The following STARD6 variants were observed in gnomAD, a reference collection of about 807,000 sequenced individuals.
STARD6 encodes the protein StAR related lipid transfer domain containing 6, also known as stAR-related lipid transfer protein 6.
Under a neutral mutation model 22.3 loss-of-function variants are expected in STARD6, and 21 were observed. The observed-to-expected ratio is 0.94, with a 90% CI of 0.67 to 1.35. The LOEUF is 1.35. Among genes scored for constraint, STARD6 ranks in the 40% most tolerant of loss-of-function variants. The pLI is 0.00. For synonymous variants in STARD6, 80 were observed against 88.1 expected (o/e 0.91, Z 0.52); for missense variants, 269 against 266.9 (o/e 1.01, Z -0.05).
At chr18:54,351,122 G>A (rs569528030) in intron 4 of STARD6, among the ~76,000 whole-genome samples, 1 of 152,274 alleles carries the variant, frequency 6.6e-6, no homozygotes, top group African/African-American at 2.4e-5. Context: ...AGCATGGGAT[G>A]TGTTTCCATT....
intron 3 of STARD6, 137 bp from the exon 4 acceptor site, chr18:54,354,240 C>T: frequency 1.6e-6 from 1 of 630,946 alleles, no homozygotes; most frequent in Non-Finnish European, 2.7e-6. Context: ...TTTTCAGAGA[C>T]AGGGTCTCAC....
intron 4 of STARD6, among the ~76,000 whole-genome samples, chr18:54,352,918 A>G (rs1050860322): frequency 6.6e-6 from 1 of 152,214 alleles, no homozygotes; most frequent in African/African-American, 2.4e-5. Flanking sequence ...CAAAAAGCCA[A>G]ATTATCCAAA....
chr18:54,346,643 A>T (rs542750583), intron 4 of STARD6, among the ~76,000 whole-genome samples: 1 of 152,290 alleles, frequency 6.6e-6, no homozygotes, highest in African/African-American at 2.4e-5. Flanking sequence ...AATACCTAAA[A>T]GATAGAAACT....
At chr18:54,348,685 A>G (rs2089062172) in intron 4 of STARD6, among the ~76,000 whole-genome samples, 3 of 152,164 alleles carry the variant, frequency 2.0e-5, no homozygotes, top group African/African-American at 7.2e-5. Context: ...ATATAGTAGG[A>G]CATTACTGTT....
In STARD6 at chr18:54,329,390, C is replaced by T. The variant is rs749999988; in HGVS notation, c.436G>A (p.Gly146Ser). The change falls in exon 7 of 8, where the codon GGT becomes AGT. Residue 146 changes from glycine (G) to serine (S), a missense_variant. By Grantham distance (56) the Gly-to-Ser change is moderately conservative. Transcript: ENST00000307844. Reference sequence around the variant, plus strand: ...ACAAAGCCACAAGGATGGTTATAACCGCGGATATAATTTGAAGATGGAGGA... The same window carrying T: ...ACAAAGCCACAAGGATGGTTATAACTGCGGATATAATTTGAAGATGGAGGA... ...EYPPSSNYIR[G>S]YNHPCGFVCS... 2.5e-5 allele frequency: 40 copies of T among 1,603,720 alleles called. No homozygotes were observed. Among genetic ancestry groups the T allele is most frequent in the Non-Finnish European group, 2.1e-5 (25 of 1,175,870 alleles).
intron 7 of STARD6, among the ~76,000 whole-genome samples, chr18:54,328,703 C>A (rs1487743703): frequency 6.6e-6 from 1 of 151,768 alleles, no homozygotes; most frequent in African/African-American, 2.4e-5. Flanking sequence ...GTGCCAATAT[C>A]TTTTACTTAA....
intron 4 of STARD6, among the ~76,000 whole-genome samples, chr18:54,343,597 G>A (rs1428990118): frequency 3.1e-4 from 12 of 38,622 alleles, no homozygotes; most frequent in Non-Finnish European, 4.6e-4. Flanking sequence ...GGTGAGGGGC[G>A]CCTCTGCCCG....
intron 5 of STARD6, among the ~76,000 whole-genome samples, chr18:54,336,101 C>T (rs187461173): frequency 6.6e-6 from 1 of 152,266 alleles, no homozygotes; most frequent in East Asian, 1.9e-4. Context: ...GTAAACCATA[C>T]TTGCCTCTCA....
At chr18:54,327,024 T>C (rs1041807643) in intron 7 of STARD6, among the ~76,000 whole-genome samples, 1 of 152,214 alleles carries the variant, frequency 6.6e-6, no homozygotes, top group Non-Finnish European at 1.5e-5. Context: ...AACCTTCAGA[T>C]AGTTAATCTC....
chr18:54,330,398 G>T (rs530273586), intron 6 of STARD6, among the ~76,000 whole-genome samples: 33 of 152,092 alleles, frequency 2.2e-4, no homozygotes, highest in African/African-American at 7.5e-4. Flanking sequence ...CTACAAACAG[G>T]TATGGGTCTT....
intron 4 of STARD6, among the ~76,000 whole-genome samples, chr18:54,351,589 A>G (rs1787819): frequency 0.067 from 10,139 of 152,238 alleles, 388 homozygotes; most frequent in African/African-American, 0.086. Flanking sequence ...GGTTTGTTAT[A>G]GATGGCTTTT....
At chr18:54,328,322 T>C (rs1003359729) in intron 7 of STARD6, among the ~76,000 whole-genome samples, 30 of 152,346 alleles carry the variant, frequency 2.0e-4, no homozygotes, top group South Asian at 2.1e-4. Context: ...AGAAGGGGAC[T>C]TGGCCTGTGA....
At position 54,354,051 on chromosome 18, in the gene STARD6, C is replaced by G; in HGVS notation, c.140+3G>C. The G allele has an allele frequency of 6.4e-7, 1 of 1,556,902 alleles. No homozygotes were observed. Among genetic ancestry groups the G allele is most frequent in the Middle Eastern group, 1.7e-4 (1 of 5,930 alleles). ...GTAATTGTAAATAGAAGATTGTACT[C>G]ACAGATTTCCATGGAATTTTCTAGA... On this transcript the variant is annotated splice_donor_region_variant and intron_variant, in intron 4 of 7. Coordinates refer to ENST00000307844, the MANE Select transcript of STARD6 (RefSeq NM_139171.2).
intron 7 of STARD6, 121 bp downstream of exon 7, chr18:54,329,225 GT>G (rs779505953): frequency 6.9e-6 from 5 of 721,004 alleles, no homozygotes; most frequent in South Asian, 2.7e-5. Context: ...TTTAGGGGAA[GT>G]TTTTTTCCCG....
At chr18:54,356,032 A>T (rs1199899384) in intron 2 of STARD6, among the ~76,000 whole-genome samples, 1 of 152,228 alleles carries the variant, frequency 6.6e-6, no homozygotes, top group Non-Finnish European at 1.5e-5. Flanking sequence ...ATATGTAAAA[A>T]TGCTTTAAAC....
At chr18:54,343,932 C>T (rs1276054447) in intron 4 of STARD6, among the ~76,000 whole-genome samples, 1 of 44,364 alleles carries the variant, frequency 2.3e-5, no homozygotes, top group Non-Finnish European at 3.8e-5. Flanking sequence ...CCAGCCGCCC[C>T]GTCCGCGAGG....
intron 2 of STARD6, among the ~76,000 whole-genome samples, chr18:54,355,131 A>G (rs550212444): frequency 4.5e-4 from 68 of 152,234 alleles, no homozygotes; most frequent in African/African-American, 1.5e-3. Flanking sequence ...ACCTCCTACC[A>G]GTCTTCTTCT....
intron 4 of STARD6, among the ~76,000 whole-genome samples, chr18:54,338,893 C>G (rs1462193393): frequency 6.6e-6 from 1 of 151,422 alleles, no homozygotes; most frequent in Non-Finnish European, 1.5e-5. Context: ...ACTAAAAATA[C>G]AAGAATTAGC....
chr18:54,331,806 G>A lies in STARD6; in HGVS notation c.321C>T (p.Ser107=). 7 of 1,613,364 alleles carry A rather than the reference G, an allele frequency of 4.3e-6. No homozygotes were observed. Among genetic ancestry groups the A allele is most frequent in the Non-Finnish European group, 5.9e-6 (7 of 1,179,552 alleles). ...ACACTAAGTCGATAAAGTCTCGAGG[G>A]GAAATGGAGCCCACGGCAAAACTTT... ...ITQSFAVGSI[S]PRDFIDLVYI... is the part of the protein sequence containing the mutation. The change falls in exon 6 of 8, where the codon TCC becomes TCT. Residue 107 remains serine (S), a synonymous_variant. Transcript: ENST00000307844.
Sources: gnomAD v4.1 joint callset for allele counts (sites outside exome capture counted in the v4.1 genomes callset) on GRCh38, gnomAD v4.1.1 for gene constraint, MANE v1.5 for transcripts, NCBI Gene and HGNC (gene_info 2026-07-23, HGNC 2026-07-21) for gene names.